The following DUSP4 variants were observed in gnomAD, a reference collection of about 807,000 sequenced individuals.
DUSP4 encodes the protein dual specificity protein phosphatase 4.
A neutral mutation model predicts 27.2 loss-of-function variants in DUSP4; 12 were observed. The observed-to-expected ratio is 0.44, with a 90% CI of 0.28 to 0.71. The LOEUF is 0.71. Among genes scored for constraint, DUSP4 ranks in the 30% least tolerant of loss-of-function variants. The pLI, the probability that DUSP4 is intolerant of heterozygous loss-of-function variation, is 0.14. For synonymous variants in DUSP4, 257 were observed against 245.2 expected (o/e 1.05, Z -0.45); for missense variants, 448 against 551.3 (o/e 0.81, Z 1.88).
chr8:29,341,175 A>AG (rs1237560000), intron 1 of DUSP4, among the ~76,000 whole-genome samples: 1 of 152,208 alleles, frequency 6.6e-6, no homozygotes, highest in Non-Finnish European at 1.5e-5. Flanking sequence ...CAGTGTCTGT[A>AG]GGGCCAGAAA....
intron 2 of DUSP4, 104 bp from the exon 3 acceptor site, chr8:29,338,605 G>A: frequency 7.6e-7 from 1 of 1,314,750 alleles, no homozygotes; most frequent in South Asian, 1.4e-5. Context: ...CCAAACCCAG[G>A]GAGAATGCCT....
intron 1 of DUSP4, among the ~76,000 whole-genome samples, chr8:29,344,468 T>G (rs911421820): frequency 2.6e-5 from 4 of 152,238 alleles, no homozygotes; most frequent in Non-Finnish European, 4.4e-5. Flanking sequence ...TATTTAAGAA[T>G]ATATTTTCTA....
chr8:29,345,597 T>G (rs1357120134), intron 1 of DUSP4: 2 of 1,501,468 alleles, frequency 1.3e-6, no homozygotes, highest in Non-Finnish European at 1.8e-6. Context: ...TTTCAGATGT[T>G]CTGATTTTTT....
intron 1 of DUSP4, among the ~76,000 whole-genome samples, chr8:29,342,102 C>G (rs1273138608): frequency 6.6e-6 from 1 of 151,998 alleles, no homozygotes; most frequent in Non-Finnish European, 1.5e-5. Context: ...TTGGGTGGCC[C>G]AGGAGTGCCA....
intron 1 of DUSP4, among the ~76,000 whole-genome samples, chr8:29,342,061 C>A (rs1679380379): frequency 6.6e-6 from 1 of 152,230 alleles, no homozygotes; most frequent in African/African-American, 2.4e-5. Flanking sequence ...CCAAGACAGA[C>A]AAGCTATCGC....
chr8:29,338,223 G>C, intron 3 of DUSP4, 59 bp downstream of exon 3: 1 of 1,566,184 alleles, frequency 6.4e-7, no homozygotes, highest in South Asian at 1.1e-5. Flanking sequence ...GCTTACAGGG[G>C]TTCCTTATCC....
Position 29,337,006 on chromosome 8 carries a change from C to G in DUSP4, c.*20G>C. 1 of 1,566,582 alleles carries G rather than the reference C, an allele frequency of 6.4e-7. No homozygotes were observed. The highest frequency in any genetic ancestry group is 8.6e-7 in the Non-Finnish European group (1 of 1,157,362). On this transcript the variant is annotated 3_prime_UTR_variant, in exon 4 of 4. Transcript: ENST00000240100. The surrounding 1 kb of genome is among the most constrained non-coding windows in gnomAD (Gnocchi z 6.4). Reference sequence around the variant, plus strand: ...CCCTTGCTGGGAGCCAGCTCTGGTTCTGGGGCCCCCAGGGCGGCTCTAACA... The same window carrying G: ...CCCTTGCTGGGAGCCAGCTCTGGTTGTGGGGCCCCCAGGGCGGCTCTAACA...
At position 29,348,137 on chromosome 8, in the gene DUSP4, C is replaced by T. The variant is rs1034965724; in HGVS notation, c.433+1709G>A. On this transcript the variant is annotated intron_variant, in intron 1 of 3. Transcript: ENST00000240100. ...AACCCAGTCCCAGCCCTGCTGTGTTCTAGCTGGTCCCGGGTTTGGACGCCA... is the reference window on the plus strand; with the variant it reads ...AACCCAGTCCCAGCCCTGCTGTGTTTTAGCTGGTCCCGGGTTTGGACGCCA... 7 of 985,460 alleles carry T rather than the reference C, an allele frequency of 7.1e-6. No homozygotes were observed. The Admixed American group carries it at 3.1e-4, about 43-fold the overall frequency. The allele number at this position is 985,460 out of a possible 1,614,324, so 61.0% of individuals were successfully genotyped here.
chr8:29,349,599 C>A (rs1817790756), intron 1 of DUSP4, among the ~76,000 whole-genome samples: 1 of 152,216 alleles, frequency 6.6e-6, no homozygotes, highest in African/African-American at 2.4e-5. Context: ...ATAAACGGGG[C>A]CTCGCTAGGA....
chr8:29,349,053 CGA>C (rs1376969649), intron 1 of DUSP4, among the ~76,000 whole-genome samples: 1 of 152,238 alleles, frequency 6.6e-6, no homozygotes, highest in African/African-American at 2.4e-5. Flanking sequence ...GTCTCGCCGC[CGA>C]GAGTTTCGCC....
intron 1 of DUSP4, among the ~76,000 whole-genome samples, chr8:29,343,210 C>T (rs554696121): frequency 2.0e-5 from 3 of 149,998 alleles, no homozygotes; most frequent in South Asian, 4.2e-4. Flanking sequence ...GAAGCAGATT[C>T]GCTCAAGGGG....
At chr8:29,345,999 T>C in intron 1 of DUSP4, 1 of 990,632 alleles carries the variant, frequency 1.0e-6, no homozygotes. Context: ...TATGCAATAT[T>C]GACATCCCCC....
Position 29,336,998 on chromosome 8 carries a change from C to A in DUSP4, c.*28G>T. 1 of 1,554,592 alleles carries A rather than the reference C, an allele frequency of 6.4e-7. No homozygotes were observed. The highest frequency in any genetic ancestry group is 1.4e-5 in the African/African-American group (1 of 73,798). Reference sequence around the variant, plus strand: ...CCGTCCTACCCTTGCTGGGAGCCAGCTCTGGTTCTGGGGCCCCCAGGGCGG... The same window carrying A: ...CCGTCCTACCCTTGCTGGGAGCCAGATCTGGTTCTGGGGCCCCCAGGGCGG... On this transcript the variant is annotated 3_prime_UTR_variant, in exon 4 of 4. Transcript: ENST00000240100.
At position 29,337,422 on chromosome 8, in the gene DUSP4, G is replaced by A; in HGVS notation, c.800-11C>T. The A allele has an allele frequency of 6.3e-7, 1 of 1,589,878 alleles. No individual in the cohort carries two copies. Among genetic ancestry groups the A allele is most frequent in the Non-Finnish European group, 8.5e-7 (1 of 1,171,616 alleles). ...AGTCCTTCACGGCATCTGGGGACAG[G>A]GTTCAATAGGTTAGTGCACGTTTCT... On this transcript the variant is annotated splice_polypyrimidine_tract_variant and intron_variant, in intron 3 of 3. Coordinates refer to ENST00000240100, the MANE Select transcript of DUSP4 (RefSeq NM_001394.7). This position sits in a 1 kb window ranked among gnomAD's most constrained non-coding sequence, Gnocchi z 6.4.
At position 29,345,485 on chromosome 8, in the gene DUSP4, A is replaced by G. The variant is rs371012210; in HGVS notation, c.433+4361T>C. ...TCCCAGTCCTCCTGGGCGATCTGCT[A>G]TGTTCAGCAAACTGGCTTCCGTTGG... On this transcript the variant is annotated intron_variant, in intron 1 of 3. Coordinates refer to ENST00000240100, the MANE Select transcript of DUSP4 (RefSeq NM_001394.7). The G allele has an allele frequency of 6.2e-6, 10 of 1,600,640 alleles. 1 individual carries two copies. The South Asian group carries it at 6.8e-5, about 11-fold the overall frequency.
intron 1 of DUSP4, chr8:29,348,143 G>C (rs966986475): frequency 2.0e-5 from 20 of 985,442 alleles, no homozygotes; most frequent in Non-Finnish European, 2.3e-5. Flanking sequence ...TGTTCTAGCT[G>C]GTCCCGGGTT....
intron 1 of DUSP4, among the ~76,000 whole-genome samples, chr8:29,346,675 G>C (rs1003776913): frequency 6.6e-6 from 1 of 152,156 alleles, no homozygotes; most frequent in African/African-American, 2.4e-5. Flanking sequence ...GAAAACATTA[G>C]ATTTTTCGTT....
At chr8:29,347,769 C>A in intron 1 of DUSP4, 19 of 985,538 alleles carry the variant, frequency 1.9e-5, no homozygotes, top group Non-Finnish European at 2.2e-5. Context: ...CCTCGCCACC[C>A]ACCAGAGGGC....
chr8:29,338,642 C>T (rs918566367), intron 2 of DUSP4, 141 bp from the exon 3 acceptor site: 10 of 882,652 alleles, frequency 1.1e-5, no homozygotes, highest in Admixed American at 7.2e-5. Flanking sequence ...CCAGCCTCCC[C>T]CTGTAGCCTC....
Sources: allele counts gnomAD v4.1 joint callset (sites outside exome capture counted in the v4.1 genomes callset), GRCh38; gene constraint gnomAD v4.1.1; non-coding constraint Gnocchi (gnomAD v3.1); transcripts MANE v1.5; gene names NCBI Gene and HGNC (gene_info 2026-07-23, HGNC 2026-07-21).